Variants in FGGY observed in about 807,000 individuals in gnomAD.
FGGY encodes the protein FGGY carbohydrate kinase domain-containing protein.
A neutral mutation model predicts 71.3 loss-of-function variants in FGGY; 72 were observed. The observed-to-expected ratio is 1.01, with a 90% CI of 0.84 to 1.23. FGGY has a LOEUF of 1.23. FGGY is among the 50% of genes most tolerant of loss of function. The pLI is 0.00. For synonymous variants in FGGY, 251 were observed against 250.3 expected, an observed-to-expected ratio of 1.00 and a Z score of -0.02; for missense variants, 668 against 682.3, an observed-to-expected ratio of 0.98 and a Z score of 0.23.
At chr1:59,755,450 T>C (rs1474835231) in intron 14 of FGGY, 1 of 152,158 alleles carries the variant, frequency 6.6e-6, no homozygotes, top group Non-Finnish European at 1.5e-5. Flanking sequence ...AACGCTATGA[T>C]AGACGGAAGC....
chr1:59,457,100 A>G, intron 6 of FGGY, 24 bp downstream of exon 6: 1 of 1,515,840 alleles, frequency 6.6e-7, no homozygotes, highest in Non-Finnish European at 9.2e-7. Flanking sequence ...ACATCTGTAG[A>G]GTGATTATGT....
chr1:59,495,575 G>T lies in FGGY; in HGVS notation c.671-16736G>T, dbSNP rs188419509. 3.8e-3 allele frequency among the ~76,000 whole-genome samples: 582 copies of T among 151,606 alleles called. 6 individuals are homozygous for T. The highest frequency in any genetic ancestry group is 0.013 in the African/African-American group (556 of 41,318). On this transcript the variant is annotated intron_variant, in intron 6 of 15. Coordinates refer to ENST00000303721, the MANE Select transcript of FGGY (RefSeq NM_018291.5). The stretch of plus-strand genomic sequence containing the variant: ...ACAATTAGGTATATAATACCTAATT[G>T]TATTTCCTAGGTTTTCTTCTAGGGT...
chr1:59,296,713 A>C (rs1264161619), upstream of FGGY: 1 of 150,280 alleles, frequency 6.7e-6, no homozygotes, highest in African/African-American at 2.5e-5. Context: ...GCCGCGCTTT[A>C]CAGGGGCCGC....
At chr1:59,427,164 A>G (rs936134199) in intron 5 of FGGY, among the ~76,000 whole-genome samples, 3 of 152,204 alleles carry the variant, frequency 2.0e-5, no homozygotes, top group Non-Finnish European at 2.9e-5. Context: ...TCAGGCAAGG[A>G]AAGACTCTAG....
At chr1:59,537,249 T>G (rs2153679010) in intron 7 of FGGY, among the ~76,000 whole-genome samples, 1 of 152,016 alleles carries the variant, frequency 6.6e-6, no homozygotes, top group African/African-American at 2.4e-5. Context: ...CATTCACAAT[T>G]GCTTCAAAGA....
intron 14 of FGGY, among the ~76,000 whole-genome samples, chr1:59,753,110 G>A (rs115046723): frequency 2.3e-4 from 35 of 152,060 alleles, no homozygotes; most frequent in African/African-American, 7.5e-4. Flanking sequence ...AAGATTGTCC[G>A]GCTCCTGCCT....
intron 6 of FGGY, among the ~76,000 whole-genome samples, chr1:59,508,608 G>A (rs899959465): frequency 7.2e-5 from 11 of 152,172 alleles, no homozygotes; most frequent in African/African-American, 2.2e-4. Flanking sequence ...TTTTGAAGGG[G>A]TGATTTCTCA....
intron 5 of FGGY, among the ~76,000 whole-genome samples, chr1:59,413,680 G>C (rs2063926146): frequency 6.6e-6 from 1 of 152,210 alleles, no homozygotes; most frequent in African/African-American, 2.4e-5. Flanking sequence ...CAGCTTTCCA[G>C]ATTTGGGGCC....
At chr1:59,720,282 G>A (rs1445080286) in intron 14 of FGGY, among the ~76,000 whole-genome samples, 1 of 152,134 alleles carries the variant, frequency 6.6e-6, no homozygotes, top group South Asian at 2.1e-4. Context: ...TCTTGCTTTC[G>A]GATTCATGCC....
At chr1:59,307,151 T>TA (rs1182297277) in intron 1 of FGGY, among the ~76,000 whole-genome samples, 4 of 151,512 alleles carry the variant, frequency 2.6e-5, no homozygotes, top group African/African-American at 9.7e-5. Flanking sequence ...ACCATCTCTA[T>TA]AAAAAATCTA....
intron 7 of FGGY, among the ~76,000 whole-genome samples, chr1:59,517,254 CTTTTTTTTTTTTTTTTT>C (rs57951011): frequency 9.1e-5 from 8 of 87,628 alleles, no homozygotes; most frequent in East Asian, 3.8e-4. Context: ...CTCAGTTGCT[CTTTTTTTTTTTTTTTTT>C]TTTTTTTTTT....
chr1:59,616,244 A>G (rs2096752108), intron 9 of FGGY, among the ~76,000 whole-genome samples: 1 of 152,240 alleles, frequency 6.6e-6, no homozygotes, highest in African/African-American at 2.4e-5. Flanking sequence ...CCAAACATCC[A>G]ACAATGATAG....
At chr1:59,303,579 C>G (rs986377942) in intron 1 of FGGY, among the ~76,000 whole-genome samples, 2 of 152,118 alleles carry the variant, frequency 1.3e-5, no homozygotes, top group Non-Finnish European at 2.9e-5. Context: ...ACAGCTATTA[C>G]ACCAAGTAGT....
intron 8 of FGGY, among the ~76,000 whole-genome samples, chr1:59,571,282 A>G (rs1247795674): frequency 2.0e-5 from 3 of 152,226 alleles, no homozygotes; most frequent in African/African-American, 7.2e-5. Flanking sequence ...TTCATGTCCA[A>G]AAGACTTAAG....
intron 6 of FGGY, among the ~76,000 whole-genome samples, chr1:59,507,971 C>T (rs1247411814): frequency 2.6e-5 from 4 of 152,134 alleles, no homozygotes; most frequent in Non-Finnish European, 5.9e-5. Context: ...CTCCTTGTTC[C>T]CCTTTTTGCG....
intron 7 of FGGY, among the ~76,000 whole-genome samples, chr1:59,546,532 GATGATT>G (rs1553279121): frequency 0.014 from 1,456 of 102,046 alleles, 10 homozygotes; most frequent in Middle Eastern, 0.021. Context: ...TGATGATGAT[GATGATT>G]ATTATTATTA....
intron 5 of FGGY, among the ~76,000 whole-genome samples, chr1:59,381,773 C>T (rs2059490889): frequency 6.6e-6 from 1 of 151,882 alleles, no homozygotes; most frequent in South Asian, 2.1e-4. Context: ...GTAAATGTAC[C>T]TCAGTTATCC....
intron 14 of FGGY, among the ~76,000 whole-genome samples, chr1:59,679,428 C>T (rs2097472554): frequency 2.6e-5 from 4 of 151,290 alleles, no homozygotes; most frequent in Admixed American, 6.6e-5. Flanking sequence ...AACTGAAATA[C>T]CGTAGATGTT....
chr1:59,455,258 A>G (rs903490692), intron 5 of FGGY, among the ~76,000 whole-genome samples: 3 of 152,166 alleles, frequency 2.0e-5, no homozygotes, highest in Non-Finnish European at 2.9e-5. Context: ...GAAGCTTTTC[A>G]CTCAGTCTGC....
Sources: gnomAD v4.1 joint callset for allele counts (sites outside exome capture counted in the v4.1 genomes callset) on GRCh38, gnomAD v4.1.1 for gene constraint, MANE v1.5 for transcripts, NCBI Gene and HGNC (gene_info 2026-07-23, HGNC 2026-07-21) for gene names.